The following QTMAN variants were observed in gnomAD, a reference collection of about 807,000 sequenced individuals.
QTMAN encodes tRNA-queuosine alpha-mannosyltransferase.
the QTMAN span, among the ~76,000 whole-genome samples, chr2:144,133,149 ATAATATAATAT>A: frequency 4.3e-4 from 23 of 53,834 alleles, no homozygotes; most frequent in Admixed American, 2.6e-3. Context: ...ATATATATAT[ATAATATAATAT>A]AATATATATA....
chr2:144,219,992 A>G, the QTMAN span, among the ~76,000 whole-genome samples: 2 of 152,164 alleles, frequency 1.3e-5, no homozygotes, highest in Admixed American at 1.3e-4. Flanking sequence ...GTCACTATAT[A>G]TATTTTTAAT....
At chr2:144,031,905 C>A in the QTMAN span, among the ~76,000 whole-genome samples, 1 of 152,008 alleles carries the variant, frequency 6.6e-6, no homozygotes, top group South Asian at 2.1e-4. Context: ...TACAGGCATG[C>A]GCCACACGTT....
At chr2:143,961,633 T>C in the QTMAN span, among the ~76,000 whole-genome samples, 21 of 152,164 alleles carry the variant, frequency 1.4e-4, no homozygotes, top group African/African-American at 4.8e-4. Flanking sequence ...GAACAATTTC[T>C]TGAGAGATGT....
At chr2:143,985,695 TA>T in the QTMAN span, among the ~76,000 whole-genome samples, 1 of 152,090 alleles carries the variant, frequency 6.6e-6, no homozygotes, top group South Asian at 2.1e-4. Flanking sequence ...ATGTGTATAT[TA>T]TATTAATTTA....
chr2:144,182,850 ATTTTAT>A, the QTMAN span, among the ~76,000 whole-genome samples: 1 of 61,138 alleles, frequency 1.6e-5, no homozygotes, highest in Non-Finnish European at 2.9e-5. Flanking sequence ...TTATATATAT[ATTTTAT>A]ATATAATATA....
chr2:144,250,629 T>A, the QTMAN span, among the ~76,000 whole-genome samples: 2 of 152,022 alleles, frequency 1.3e-5, no homozygotes, highest in African/African-American at 2.4e-5. Context: ...TGTGAAAGTA[T>A]TACTTTACAC....
the QTMAN span, chr2:143,947,262 C>G: frequency 3.0e-6 from 2 of 676,404 alleles, no homozygotes; most frequent in Non-Finnish European, 5.2e-6. Flanking sequence ...AAAAAGCCAC[C>G]AAGTAAATGG....
chr2:144,178,775 G>C, the QTMAN span: 2 of 332,402 alleles, frequency 6.0e-6, no homozygotes, highest in Non-Finnish European at 1.2e-5. Context: ...GAGATTTAGA[G>C]AAAGTAAAAA....
the QTMAN span, among the ~76,000 whole-genome samples, chr2:144,184,140 AT>A: frequency 8.9e-4 from 135 of 151,494 alleles, no homozygotes; most frequent in African/African-American, 2.9e-3. Context: ...GTTTTTTATT[AT>A]TTTTTTTTAT....
At chr2:143,999,221 G>A in the QTMAN span, among the ~76,000 whole-genome samples, 1 of 152,030 alleles carries the variant, frequency 6.6e-6, no homozygotes, top group Non-Finnish European at 1.5e-5. Context: ...ACATGTTTAT[G>A]TGGTACACTG....
chr2:144,245,351 T>C, the QTMAN span, among the ~76,000 whole-genome samples: 1 of 152,222 alleles, frequency 6.6e-6, no homozygotes, highest in Non-Finnish European at 1.5e-5. Flanking sequence ...AGTTCTTTAC[T>C]TTTTCTGAGT....
chr2:143,992,784 G>C, the QTMAN span, among the ~76,000 whole-genome samples: 2 of 152,052 alleles, frequency 1.3e-5, no homozygotes, highest in East Asian at 3.9e-4. Flanking sequence ...CAAAGAAAGA[G>C]GTAGATATGT....
the QTMAN span, among the ~76,000 whole-genome samples, chr2:144,235,042 C>T: frequency 2.6e-5 from 4 of 152,150 alleles, no homozygotes; most frequent in Admixed American, 6.6e-5. Context: ...TTTTGCTCCT[C>T]GCTGCTCGCC....
the QTMAN span, chr2:144,208,846 C>A: frequency 8.7e-7 from 1 of 1,151,810 alleles, no homozygotes; most frequent in Non-Finnish European, 1.2e-6. Context: ...CCATTACATA[C>A]ATGTATAAAA....
the QTMAN span, among the ~76,000 whole-genome samples, chr2:144,023,425 G>A: frequency 6.6e-6 from 1 of 152,112 alleles, no homozygotes; most frequent in East Asian, 1.9e-4. Flanking sequence ...TGCTCTTATG[G>A]GAAAAATAAT....
chr2:144,185,488 C>T, the QTMAN span, among the ~76,000 whole-genome samples: 1 of 152,298 alleles, frequency 6.6e-6, no homozygotes, highest in South Asian at 2.1e-4. Context: ...AGCTGATGCA[C>T]TTGTTATTTT....
the QTMAN span, among the ~76,000 whole-genome samples, chr2:144,199,895 A>AT: frequency 3.3e-5 from 5 of 152,282 alleles, no homozygotes; most frequent in South Asian, 6.2e-4. Flanking sequence ...CTCCAAAGTG[A>AT]TTTTTTTCAG....
chr2:144,218,170 C>T, the QTMAN span, among the ~76,000 whole-genome samples: 1 of 152,172 alleles, frequency 6.6e-6, no homozygotes. Context: ...TTACTTCTTC[C>T]TATCACTCAT....
chr2:144,081,593 C>G, the QTMAN span, among the ~76,000 whole-genome samples: 12 of 151,968 alleles, frequency 7.9e-5, no homozygotes, highest in East Asian at 1.9e-4. Context: ...CTCTCCTCCC[C>G]CTAATAAACC....
Sources: allele counts gnomAD v4.1 joint callset (sites outside exome capture counted in the v4.1 genomes callset), GRCh38; gene constraint gnomAD v4.1.1; transcripts MANE v1.5; gene names NCBI Gene and HGNC (gene_info 2026-07-23, HGNC 2026-07-21).